The following ELMO1 variants were observed in gnomAD, a reference collection of about 807,000 sequenced individuals.
ELMO1 encodes engulfment and cell motility 1.
A neutral mutation model predicts 98.9 loss-of-function variants in ELMO1; 26 were observed. The ratio of observed to expected loss-of-function variants is 0.26; its 90% CI spans 0.19 to 0.36. ELMO1 has a LOEUF of 0.36. Ranked by LOEUF, ELMO1 falls within the 10% of genes least tolerant of loss-of-function variation. ELMO1 has a pLI of 1.00. For missense variants in ELMO1, 627 were observed against 935.2 expected (o/e 0.67, Z 4.30); for synonymous variants, 346 against 346.0 (o/e 1.00, Z 0.00).
intron 16 of ELMO1, among the ~76,000 whole-genome samples, chr7:36,917,070 T>A (rs1002072941): frequency 1.2e-4 from 18 of 152,372 alleles, no homozygotes; most frequent in African/African-American, 3.8e-4. Context: ...TTGAGATCTC[T>A]GATTAAAACT....
chr7:37,118,199 G>A (rs1392513917), intron 14 of ELMO1, among the ~76,000 whole-genome samples: 1 of 152,124 alleles, frequency 6.6e-6, no homozygotes, highest in Non-Finnish European at 1.5e-5. Flanking sequence ...GCCTCCACCA[G>A]CACCCTGCCT....
At chr7:37,151,324 T>C (rs1301838204) in intron 13 of ELMO1, among the ~76,000 whole-genome samples, 3 of 152,138 alleles carry the variant, frequency 2.0e-5, no homozygotes. Context: ...AGCCTGACCG[T>C]TCACACTACA....
chr7:37,233,091 T>C lies in ELMO1; in HGVS notation c.549+4A>G, dbSNP rs1238185652. On this transcript the variant is annotated splice_donor_region_variant and intron_variant, in intron 8 of 21. Transcript: ENST00000310758. ...AAAGCCTAAAGAGGCAGAGTCCACC[T>C]TACCTTCTTAATGAACGCCACCGAA... The C allele has an allele frequency of 6.2e-7, 1 of 1,611,984 alleles. No homozygotes were observed. Among genetic ancestry groups the C allele is most frequent in the Non-Finnish European group, 8.5e-7 (1 of 1,179,056 alleles).
chr7:37,075,147 ATTTTT>A (rs113966386), intron 15 of ELMO1, among the ~76,000 whole-genome samples: 2 of 140,150 alleles, frequency 1.4e-5, no homozygotes, highest in African/African-American at 2.6e-5. Flanking sequence ...TTCATTTGGA[ATTTTT>A]TTTTTTTTTT....
At chr7:36,952,964 C>CTTTTTTTTT (rs70980904) in intron 16 of ELMO1, among the ~76,000 whole-genome samples, 3 of 82,884 alleles carry the variant, frequency 3.6e-5, no homozygotes, top group South Asian at 4.1e-4. Context: ...AGTCACTACT[C>CTTTTTTTTT]TTTTTTTTTT....
chr7:37,199,157 C>G (rs1021395013), intron 13 of ELMO1, among the ~76,000 whole-genome samples: 2 of 152,250 alleles, frequency 1.3e-5, no homozygotes, highest in African/African-American at 4.8e-5. Flanking sequence ...TGGAAGAAAC[C>G]TGTCTCTTCA....
chr7:37,393,584 A>G (rs1803170873), intron 1 of ELMO1, among the ~76,000 whole-genome samples: 1 of 152,200 alleles, frequency 6.6e-6, no homozygotes, highest in South Asian at 2.1e-4. Flanking sequence ...TTTGAAGACT[A>G]TAGACTGGTT....
At chr7:36,912,895 A>G (rs951776923) in intron 16 of ELMO1, among the ~76,000 whole-genome samples, 5 of 152,224 alleles carry the variant, frequency 3.3e-5, no homozygotes, top group Admixed American at 2.6e-4. Flanking sequence ...AATAAATATT[A>G]GTTTCCTCTG....
intron 6 of ELMO1, among the ~76,000 whole-genome samples, chr7:37,246,637 A>T (rs964893137): frequency 2.0e-5 from 3 of 152,220 alleles, no homozygotes; most frequent in Non-Finnish European, 2.9e-5. Context: ...TAAATCTGTA[A>T]AAAACAAAAT....
intron 15 of ELMO1, among the ~76,000 whole-genome samples, chr7:37,069,953 G>A (rs1797184446): frequency 6.6e-6 from 1 of 152,096 alleles, no homozygotes; most frequent in Non-Finnish European, 1.5e-5. Context: ...TCCTAGATTT[G>A]CTTGAAAATG....
chr7:37,198,317 C>A (rs1792091416), intron 13 of ELMO1, among the ~76,000 whole-genome samples: 1 of 152,236 alleles, frequency 6.6e-6, no homozygotes. Context: ...TGTCCCCAGT[C>A]ATCTGGGTTA....
At chr7:37,292,780 G>GT (rs1797794114) in intron 4 of ELMO1, among the ~76,000 whole-genome samples, 4 of 92,062 alleles carry the variant, frequency 4.3e-5, no homozygotes, top group East Asian at 3.4e-4. Context: ...CGTCTGGGAG[G>GT]GAGGGAGGTG....
chr7:37,404,621 C>T (rs962281706), intron 1 of ELMO1, among the ~76,000 whole-genome samples: 6 of 152,130 alleles, frequency 3.9e-5, no homozygotes, highest in African/African-American at 1.4e-4. Flanking sequence ...AGAAACACAC[C>T]CCATCTGCGA....
At chr7:36,950,995 C>T (rs915206461) in intron 16 of ELMO1, among the ~76,000 whole-genome samples, 2 of 152,204 alleles carry the variant, frequency 1.3e-5, no homozygotes. Flanking sequence ...CCCTCTCCAC[C>T]ACTACCCCTG....
chr7:36,881,580 A>AGTAC (rs1283975859), intron 18 of ELMO1, among the ~76,000 whole-genome samples: 2 of 151,948 alleles, frequency 1.3e-5, no homozygotes, highest in African/African-American at 4.8e-5. Context: ...TACTAATGAG[A>AGTAC]GTACGTTAAT....
At chr7:36,895,917 A>G (rs1257251667) in intron 16 of ELMO1, among the ~76,000 whole-genome samples, 1 of 152,204 alleles carries the variant, frequency 6.6e-6, no homozygotes, top group Non-Finnish European at 1.5e-5. Context: ...ACTCAAACCT[A>G]TGAGGTAGAT....
At chr7:37,370,447 A>G (rs1009265971) in intron 1 of ELMO1, among the ~76,000 whole-genome samples, 17 of 152,078 alleles carry the variant, frequency 1.1e-4, no homozygotes, top group African/African-American at 4.1e-4. Context: ...GTTGATCTAT[A>G]TTTTGTTATA....
At chr7:37,389,632 G>T (rs181535419) in intron 1 of ELMO1, among the ~76,000 whole-genome samples, 4 of 152,164 alleles carry the variant, frequency 2.6e-5, no homozygotes, top group Non-Finnish European at 5.9e-5. Flanking sequence ...GGAGCATGAA[G>T]AGGCAGGAAT....
intron 5 of ELMO1, among the ~76,000 whole-genome samples, chr7:37,264,531 A>T (rs1562565403): frequency 6.6e-6 from 1 of 152,160 alleles, no homozygotes; most frequent in East Asian, 1.9e-4. Flanking sequence ...CAACATTATT[A>T]AAAAAATAAG....
Sources: allele counts gnomAD v4.1 joint callset (sites outside exome capture counted in the v4.1 genomes callset), GRCh38; gene constraint gnomAD v4.1.1; transcripts MANE v1.5; gene names NCBI Gene and HGNC (gene_info 2026-07-23, HGNC 2026-07-21).